Variants in MTMR9 observed in about 807,000 individuals in gnomAD.
The protein encoded by MTMR9 is myotubularin-related protein 9.
MTMR9 carries 39 observed loss-of-function variants against 69.5 expected under a neutral mutation model. The ratio of observed to expected loss-of-function variants is 0.56; its 90% CI spans 0.43 to 0.73. The LOEUF (loss-of-function observed/expected upper bound fraction) is 0.73. Ranked by LOEUF, MTMR9 falls within the 30% of genes least tolerant of loss-of-function variation. The pLI, the probability that MTMR9 is intolerant of heterozygous loss-of-function variation, is 0.00. For missense variants in MTMR9, 900 were observed against 671.2 expected, an observed-to-expected ratio of 1.34 and a Z score of -3.77; for synonymous variants, 354 against 240.8, an observed-to-expected ratio of 1.47 and a Z score of -4.35.
At chr8:11,319,658 C>A (rs773745976) in intron 8 of MTMR9, 29 bp from the exon 9 acceptor site, 2 of 1,610,572 alleles carry the variant, frequency 1.2e-6, no homozygotes, top group South Asian at 1.1e-5. Context: ...AAATTAATTA[C>A]TTTAATGGCA....
At chr8:11,296,091 A>T (rs1799547910) in intron 2 of MTMR9, among the ~76,000 whole-genome samples, 1 of 130,666 alleles carries the variant, frequency 7.7e-6, no homozygotes, top group African/African-American at 2.4e-5. Flanking sequence ...TTATTGTACC[A>T]TATTATTACA....
chr8:11,302,020 G>A (rs761093082), intron 3 of MTMR9, among the ~76,000 whole-genome samples: 1 of 152,014 alleles, frequency 6.6e-6, no homozygotes, highest in Non-Finnish European at 1.5e-5. Context: ...ACTTAAGGAG[G>A]CTGAGGCAGG....
chr8:11,332,268 ATT>A (rs1801267765), downstream of MTMR9: 11 of 1,289,948 alleles, frequency 8.5e-6, no homozygotes, highest in Non-Finnish European at 1.1e-5. Context: ...ACATTATAAT[ATT>A]GAGATGTTCA....
rs758951615 is a variant in MTMR9 at position 11,315,048 on chromosome 8, A to G, written c.1097A>G (p.Glu366Gly). 1.2e-6 allele frequency: 2 copies of G among 1,613,642 alleles called. No individual in the cohort carries two copies. The highest frequency in any genetic ancestry group is 1.7e-6 in the Non-Finnish European group (2 of 1,179,714). ...ATTCGTGGTTTTGAGGCCCTGATTGAAAGAGAGTGGCTGCAGGTGAGAAGA... is the reference window on the plus strand; with the variant it reads ...ATTCGTGGTTTTGAGGCCCTGATTGGAAGAGAGTGGCTGCAGGTGAGAAGA... Reference protein sequence around the residue: ...RTIRGFEALIEREWLQAGHPF... With the variant: ...RTIRGFEALIGREWLQAGHPF... The change falls in exon 7 of 10, where the codon GAA becomes GGA. Residue 366 changes from glutamate (E) to glycine (G), a missense_variant. Coordinates refer to ENST00000221086, the MANE Select transcript of MTMR9 (RefSeq NM_015458.4).
At chr8:11,331,240 T>A, downstream of MTMR9, 1 of 1,613,824 alleles carries the variant, frequency 6.2e-7, no homozygotes, top group Non-Finnish European at 8.5e-7. Context: ...GTGGCCCTGC[T>A]GGGTGGGGGC....
At position 11,328,123 on chromosome 8, in the gene MTMR9, A is replaced by G. The variant is rs1801030911; in HGVS notation, c.*5335A>G. 6.6e-6 allele frequency: 1 copy of G among 151,904 alleles called. No homozygotes were observed. The highest frequency in any genetic ancestry group is 1.5e-5 in the Non-Finnish European group (1 of 68,014). The allele number at this position is 151,904 out of a possible 1,614,324, so 9.4% of individuals were successfully genotyped here. On this transcript the variant is annotated 3_prime_UTR_variant, in exon 10 of 10. Transcript: ENST00000221086. ...TAGACGATGGTAATAAAATCTGAAT[A>G]TATTTAAGTGCTAATAAATTAAATC...
At chr8:11,332,211 T>A (rs1009417110), downstream of MTMR9, 42 of 1,494,250 alleles carry the variant, frequency 2.8e-5, no homozygotes, top group African/African-American at 3.7e-4. Flanking sequence ...AGAAAAAAAA[T>A]AATTATAATA....
At position 11,326,131 on chromosome 8, in the gene MTMR9, A is replaced by G. The variant is rs938279347; in HGVS notation, c.*3343A>G. ...ATATGACCATAATTTAGTCTCCTCA[A>G]GTGAAAAACAGGAGTAATGTTTCGT... On this transcript the variant is annotated 3_prime_UTR_variant, in exon 10 of 10. Transcript: ENST00000221086. 2.0e-5 allele frequency: 3 copies of G among 152,232 alleles called. No homozygotes were observed. The highest frequency in any genetic ancestry group is 4.4e-5 in the Non-Finnish European group (3 of 68,032). 9.4% of individuals were successfully genotyped at this position (152,232 alleles called of 1,614,324 possible).
At chr8:11,334,158 G>T in the MTMR9 span, among the ~76,000 whole-genome samples, 1 of 152,088 alleles carries the variant, frequency 6.6e-6, no homozygotes, top group Non-Finnish European at 1.5e-5. Flanking sequence ...AGATAAACTT[G>T]TATATAAATT....
At chr8:11,295,962 C>T (rs911994414) in intron 2 of MTMR9, among the ~76,000 whole-genome samples, 1 of 152,154 alleles carries the variant, frequency 6.6e-6, no homozygotes, top group African/African-American at 2.4e-5. Flanking sequence ...GTGCACTGTT[C>T]ACTTCTCTAC....
At chr8:11,308,292 G>A (rs1192705661) in intron 5 of MTMR9, among the ~76,000 whole-genome samples, 3 of 152,132 alleles carry the variant, frequency 2.0e-5, no homozygotes, top group African/African-American at 7.2e-5. Flanking sequence ...CATGGGAGAA[G>A]CTCCTTTCCC....
At position 11,316,656 on chromosome 8, in the gene MTMR9, C is replaced by G. The variant is rs1306023747; in HGVS notation, c.1114-17C>G. On this transcript the variant is annotated splice_polypyrimidine_tract_variant and intron_variant, in intron 7 of 9. Coordinates refer to ENST00000221086, the MANE Select transcript of MTMR9 (RefSeq NM_015458.4). ...TCTCACCAGGATATGACTGTCACGCCTCCATCTTCCCCCTAGGCTGGTCAC... is the reference window on the plus strand; with the variant it reads ...TCTCACCAGGATATGACTGTCACGCGTCCATCTTCCCCCTAGGCTGGTCAC... 6 of 1,559,518 alleles carry G rather than the reference C, an allele frequency of 3.8e-6. No homozygotes were observed.
chr8:11,330,311 C>T (rs571543055), downstream of MTMR9, among the ~76,000 whole-genome samples: 81 of 151,376 alleles, frequency 5.4e-4, no homozygotes, highest in African/African-American at 1.5e-3. Context: ...AGCCCCCACC[C>T]GGCCAGCTGC....
chr8:11,311,375 G>T (rs1418253276), intron 6 of MTMR9, among the ~76,000 whole-genome samples: 2 of 152,142 alleles, frequency 1.3e-5, no homozygotes, highest in African/African-American at 2.4e-5. Context: ...TCACTTAATA[G>T]GATATTACAC....
intron 1 of MTMR9, among the ~76,000 whole-genome samples, chr8:11,293,028 G>A (rs62488614): frequency 0.011 from 1,603 of 152,246 alleles, 6 homozygotes; most frequent in Non-Finnish European, 0.016. Flanking sequence ...CTGTAAAACA[G>A]CCTCAGGCAA....
intron 5 of MTMR9, among the ~76,000 whole-genome samples, chr8:11,308,921 C>G (rs112001010): frequency 6.6e-6 from 1 of 152,208 alleles, no homozygotes; most frequent in African/African-American, 2.4e-5. Flanking sequence ...AGCTCCTCTG[C>G]AGGTAGATCA....
chr8:11,304,482 G>C (rs1799867339), intron 3 of MTMR9, among the ~76,000 whole-genome samples: 1 of 152,192 alleles, frequency 6.6e-6, no homozygotes, highest in African/African-American at 2.4e-5. Context: ...ACACTAAGGA[G>C]GATCAGCTGT....
At position 11,324,584 on chromosome 8, in the gene MTMR9, AC is replaced by A. The variant is rs1042177751; in HGVS notation, c.*1797del. Reference sequence around the variant, plus strand: ...AGAATTGCTTGCTATGTCTGTTAATACAGCTGAGCTTTTTGTTTTCTTCTCT... The same window carrying A: ...AGAATTGCTTGCTATGTCTGTTAATAAGCTGAGCTTTTTGTTTTCTTCTCT... On this transcript the variant is annotated 3_prime_UTR_variant, in exon 10 of 10. Coordinates refer to ENST00000221086, the MANE Select transcript of MTMR9 (RefSeq NM_015458.4). 3 of 151,446 alleles carry A rather than the reference AC, an allele frequency of 2.0e-5. No individual in the cohort carries two copies. The highest frequency in any genetic ancestry group is 4.4e-5 in the Non-Finnish European group (3 of 67,924). 9.4% of individuals were successfully genotyped at this position (151,446 alleles called of 1,614,324 possible).
chr8:11,337,522 T>C, the MTMR9 span, among the ~76,000 whole-genome samples: 2 of 152,212 alleles, frequency 1.3e-5, no homozygotes, highest in African/African-American at 4.8e-5. Context: ...TCACTTCCTG[T>C]TCATCAGATC....
Sources: gnomAD v4.1 joint callset for allele counts (sites outside exome capture counted in the v4.1 genomes callset) on GRCh38, gnomAD v4.1.1 for gene constraint, MANE v1.5 for transcripts, NCBI Gene and HGNC (gene_info 2026-07-23, HGNC 2026-07-21) for gene names.